The following PTPRN2 variants were observed in gnomAD, a reference collection of about 807,000 sequenced individuals.
PTPRN2 encodes the protein protein tyrosine phosphatase receptor type N2.
Under a neutral mutation model 118.8 loss-of-function variants are expected in PTPRN2, and 74 were observed. That is an observed-to-expected ratio of 0.62 (90% CI 0.52 to 0.76). The LOEUF (loss-of-function observed/expected upper bound fraction) is 0.76, where lower values mean the gene tolerates loss of function less well. Ranked by LOEUF, PTPRN2 falls within the 30% of genes least tolerant of loss-of-function variation. The pLI, the probability that PTPRN2 is intolerant of heterozygous loss-of-function variation, is 0.00. For missense variants in PTPRN2, 1,481 were observed against 1,394.4 expected, an observed-to-expected ratio of 1.06 and a Z score of -0.99; for synonymous variants, 641 against 608.0, an observed-to-expected ratio of 1.05 and a Z score of -0.80.
Position 157,661,450 on chromosome 7 carries a change from T to C in PTPRN2, c.2002-4899A>G, listed in dbSNP as rs939445855. On this transcript the variant is annotated intron_variant, in intron 13 of 22. Coordinates refer to ENST00000389418, the MANE Select transcript of PTPRN2 (RefSeq NM_002847.5). ...TGCTCTTGCCCGAAGGCGCTCTCCCTGCGGGCTTCCGCCTGGGAACGGGGG... is the reference window on the plus strand; with the variant it reads ...TGCTCTTGCCCGAAGGCGCTCTCCCCGCGGGCTTCCGCCTGGGAACGGGGG... 5.9e-5 allele frequency among the ~76,000 whole-genome samples: 9 copies of C among 152,230 alleles called. No homozygotes were observed. The East Asian group carries it at 1.7e-3, about 29-fold the overall frequency.
chr7:157,851,449 C>T (rs903701441), intron 12 of PTPRN2, among the ~76,000 whole-genome samples: 2 of 152,210 alleles, frequency 1.3e-5, no homozygotes, highest in Non-Finnish European at 2.9e-5. Context: ...TCCCTGTCAT[C>T]TCCTGGTGCA....
chr7:157,574,482 T>C lies in PTPRN2; in HGVS notation c.2783+2131A>G, dbSNP rs372438290. On this transcript the variant is annotated intron_variant, in intron 19 of 22. Coordinates refer to ENST00000389418, the MANE Select transcript of PTPRN2 (RefSeq NM_002847.5). ...CCGTGAGCAGCGTTAGTGAGCACCA[T>C]TGCACACAGCAAGAAGGGAGAGAGT... The C allele has an allele frequency of 1.1e-4, 54 of 480,432 alleles. 1 individual carries two copies. The highest frequency in any genetic ancestry group is 4.7e-4 in the South Asian group (31 of 66,194). The allele number at this position is 480,432 out of a possible 1,614,324, so 29.8% of individuals were successfully genotyped here.
At chr7:158,514,459 C>T (rs1823393813) in intron 1 of PTPRN2, among the ~76,000 whole-genome samples, 1 of 152,124 alleles carries the variant, frequency 6.6e-6, no homozygotes, top group Non-Finnish European at 1.5e-5. Flanking sequence ...GTTTGTGATG[C>T]AATTAAACCT....
chr7:158,362,384 A>T (rs2151294844), intron 2 of PTPRN2, among the ~76,000 whole-genome samples: 1 of 35,128 alleles, frequency 2.8e-5, no homozygotes, highest in East Asian at 5.3e-4. Context: ...TCCACAACTC[A>T]TTTACTCACA....
At chr7:157,754,022 G>A (rs1801640044) in intron 12 of PTPRN2, among the ~76,000 whole-genome samples, 1 of 152,358 alleles carries the variant, frequency 6.6e-6, no homozygotes. Context: ...TCCCCTATCT[G>A]AAGTGGGTGC....
intron 4 of PTPRN2, among the ~76,000 whole-genome samples, chr7:158,202,274 G>A (rs1480505718): frequency 3.3e-5 from 5 of 152,180 alleles, no homozygotes; most frequent in African/African-American, 1.2e-4. Context: ...AATACTGTGG[G>A]CAACTGTTGA....
intron 2 of PTPRN2, among the ~76,000 whole-genome samples, chr7:158,402,661 C>T (rs111718340): frequency 2.2e-4 from 33 of 152,302 alleles, no homozygotes; most frequent in African/African-American, 4.6e-4. Context: ...GCAAGCCCTG[C>T]GATGTTCCTG....
chr7:157,570,009 G>A (rs1242677286), intron 20 of PTPRN2, among the ~76,000 whole-genome samples: 2 of 152,210 alleles, frequency 1.3e-5, no homozygotes, highest in Non-Finnish European at 2.9e-5. Context: ...ATCTTTTGAT[G>A]GTAAAGAATC....
rs1982450 is a variant in PTPRN2, at chr7:158,281,454, C to A, written c.277+35365G>T. 1.1e-4 allele frequency among the ~76,000 whole-genome samples: 16 copies of A among 152,150 alleles called. No homozygotes were observed. In the East Asian group the frequency reaches 2.9e-3, roughly 28 times the overall value. ...AAGAACATAGTCACCAAAATCCAAG[C>A]GGATGGGCACAGCCATTTGCATGTA... On this transcript the variant is annotated intron_variant, in intron 3 of 22. Coordinates refer to ENST00000389418, the MANE Select transcript of PTPRN2 (RefSeq NM_002847.5).
chr7:158,352,276 A>G (rs71544578), intron 2 of PTPRN2, among the ~76,000 whole-genome samples: 5,270 of 5,992 alleles, frequency 0.88, 2,387 homozygotes, highest in East Asian at 0.97. Flanking sequence ...CCTCCTGTCC[A>G]CTCCCCTCCT....
At chr7:157,798,184 G>T (rs1286635200) in intron 12 of PTPRN2, among the ~76,000 whole-genome samples, 1 of 152,218 alleles carries the variant, frequency 6.6e-6, no homozygotes, top group Non-Finnish European at 1.5e-5. Context: ...GTTTGAACCT[G>T]GGAGGCGGAG....
chr7:158,372,579 T>C (rs571204495), intron 2 of PTPRN2, among the ~76,000 whole-genome samples: 1 of 142,204 alleles, frequency 7.0e-6, no homozygotes, highest in Non-Finnish European at 1.5e-5. Context: ...CTGGAGCTGG[T>C]CCCCCCAACA....
In PTPRN2 at chr7:157,582,642, G is replaced by A. The variant is rs531058569; in HGVS notation, c.2497-4502C>T. Among the ~76,000 whole-genome samples the A allele has an allele frequency of 2.1e-3, 318 of 151,684 alleles. 3 individuals carry two copies. The highest frequency in any genetic ancestry group is 3.6e-3 in the Non-Finnish European group (246 of 67,610). ...TGTAATCCCAGCACTTTGGGAGGCCGAGGCAGGTGGATCACGAGGTCAGGA... is the reference window on the plus strand; with the variant it reads ...TGTAATCCCAGCACTTTGGGAGGCCAAGGCAGGTGGATCACGAGGTCAGGA... On this transcript the variant is annotated intron_variant, in intron 17 of 22. Transcript: ENST00000389418.
intron 1 of PTPRN2, among the ~76,000 whole-genome samples, chr7:158,533,616 C>T (rs1825413886): frequency 2.0e-5 from 3 of 152,220 alleles, no homozygotes; most frequent in Admixed American, 6.5e-5. Flanking sequence ...AGAGACCGTC[C>T]TGACCCCAGC....
intron 11 of PTPRN2, among the ~76,000 whole-genome samples, chr7:158,054,445 G>A (rs532846281): frequency 2.6e-4 from 39 of 152,212 alleles, no homozygotes; most frequent in South Asian, 4.1e-4. Context: ...AGGAAGACAC[G>A]AAGGAAAAAC....
chr7:158,143,628 G>A (rs1585597305), intron 6 of PTPRN2, among the ~76,000 whole-genome samples: 2 of 152,152 alleles, frequency 1.3e-5, no homozygotes, highest in Admixed American at 6.5e-5. Flanking sequence ...ACACAGGCTC[G>A]GCTGCCCAGC....
chr7:158,440,963 AGTG>A (rs1446344516), intron 2 of PTPRN2, among the ~76,000 whole-genome samples: 17 of 116,462 alleles, frequency 1.5e-4, no homozygotes, highest in African/African-American at 4.5e-4. Flanking sequence ...ATGGGGTAGT[AGTG>A]GTGTTGGTGG....
Position 158,587,792 on chromosome 7 carries a change from C to A in PTPRN2, c.-123G>T. 1 of 936,232 alleles carries A rather than the reference C, an allele frequency of 1.1e-6. No homozygotes were observed. The highest frequency in any genetic ancestry group is 1.3e-6 in the Non-Finnish European group (1 of 782,928). 58.0% of individuals were successfully genotyped at this position (936,232 alleles called of 1,614,324 possible). On this transcript the variant is annotated 5_prime_UTR_variant, in exon 1 of 23. Transcript: ENST00000389418. ...TCCCGCCGCGCCTCTCGCGCTCTTG[C>A]GGCGACGCCGGGCCGAGCTTCAGCA... is the stretch of plus-strand genomic sequence containing the variant.
chr7:157,901,720 TTTC>T, intron 11 of PTPRN2, among the ~76,000 whole-genome samples: 1 of 54,776 alleles, frequency 1.8e-5, no homozygotes, highest in South Asian at 4.4e-4. Flanking sequence ...CCCGTCCGTG[TTTC>T]CTGGGTCCTG....
Sources: gnomAD v4.1 joint callset for allele counts (sites outside exome capture counted in the v4.1 genomes callset) on GRCh38, gnomAD v4.1.1 for gene constraint, MANE v1.5 for transcripts, NCBI Gene and HGNC (gene_info 2026-07-23, HGNC 2026-07-21) for gene names.